The following AOPEP variants were observed in gnomAD, a reference collection of about 807,000 sequenced individuals.
AOPEP encodes the protein aminopeptidase O (putative), also known as aminopeptidase O.
A neutral mutation model predicts 98.1 loss-of-function variants in AOPEP; 77 were observed. The ratio of observed to expected loss-of-function variants is 0.78; its 90% CI spans 0.65 to 0.95. The LOEUF (loss-of-function observed/expected upper bound fraction) is 0.95. Among genes scored for constraint, AOPEP ranks in the 40% least tolerant of loss-of-function variants. The probability of loss-of-function intolerance (pLI) is 0.00; values close to 1 mark genes in which losing one functional copy is unlikely to be tolerated. For synonymous variants in AOPEP, 346 were observed against 365.3 expected (o/e 0.95, Z 0.60); for missense variants, 1,024 against 1,024.7 (o/e 1.00, Z 0.01).
chr9:95,069,637 G>C (rs1010903690), intron 14 of AOPEP, among the ~76,000 whole-genome samples: 1 of 152,224 alleles, frequency 6.6e-6, no homozygotes, highest in African/African-American at 2.4e-5. Context: ...AAGTAGTTAA[G>C]ATTTGTCTAA....
At chr9:94,893,728 C>G (rs1312891626) in intron 5 of AOPEP, among the ~76,000 whole-genome samples, 1 of 152,078 alleles carries the variant, frequency 6.6e-6, no homozygotes, top group Non-Finnish European at 1.5e-5. Flanking sequence ...AAATACAATA[C>G]CAGGTGTTAG....
At chr9:95,117,475 C>A in the AOPEP span, 1 of 1,039,764 alleles carries the variant, frequency 9.6e-7, no homozygotes. Context: ...GTCCTCTGCC[C>A]AAAAAAGACC....
Position 95,003,172 on chromosome 9 carries a change from G to A in AOPEP, c.1978-1986G>A, listed in dbSNP as rs771666726. 3.3e-5 allele frequency among the ~76,000 whole-genome samples: 5 copies of A among 152,160 alleles called. No individual in the cohort carries two copies. In the South Asian group the frequency reaches 1.0e-3, roughly 32 times the overall value. ...TGTGTGTGTGTGTGTGTGTGCGCGC[G>A]CGCGCGCGTGTGTGACTGCAACCAG... On this transcript the variant is annotated intron_variant, in intron 11 of 16. Transcript: ENST00000375315.
the AOPEP span, among the ~76,000 whole-genome samples, chr9:95,121,774 C>T: frequency 6.6e-6 from 1 of 152,016 alleles, no homozygotes; most frequent in African/African-American, 2.4e-5. Context: ...ACAACCAAAA[C>T]TAAACAAAAC....
chr9:95,033,580 C>T (rs1376473466), intron 13 of AOPEP, among the ~76,000 whole-genome samples: 1 of 152,166 alleles, frequency 6.6e-6, no homozygotes, highest in Non-Finnish European at 1.5e-5. Context: ...AGTTCCCTAA[C>T]TGAAGTTTCC....
the AOPEP span, among the ~76,000 whole-genome samples, chr9:95,115,058 A>G: frequency 8.5e-5 from 13 of 152,238 alleles, no homozygotes; most frequent in East Asian, 2.5e-3. Flanking sequence ...TTCCTACCTC[A>G]GCCTCCCCAG....
chr9:94,971,982 T>TGCCGAGGGCAGTGTG (rs146831861), intron 10 of AOPEP, among the ~76,000 whole-genome samples: 6 of 151,942 alleles, frequency 3.9e-5, no homozygotes, highest in Non-Finnish European at 8.8e-5. Context: ...GAAAGACACC[T>TGCCGAGGGCAGTGTG]GCCGAGGGCA....
At chr9:94,937,141 C>G (rs919567753) in intron 7 of AOPEP, among the ~76,000 whole-genome samples, 2 of 152,366 alleles carry the variant, frequency 1.3e-5, no homozygotes, top group African/African-American at 4.8e-5. Flanking sequence ...AGTCCCAACC[C>G]TCTAATGCTG....
intron 14 of AOPEP, among the ~76,000 whole-genome samples, chr9:95,073,219 G>A (rs1329241073): frequency 1.3e-5 from 2 of 152,136 alleles, no homozygotes; most frequent in Admixed American, 1.3e-4. Flanking sequence ...CCTACCTCAT[G>A]CCAGCCCAGC....
intron 7 of AOPEP, among the ~76,000 whole-genome samples, chr9:94,929,672 A>G (rs766654035): frequency 3.3e-5 from 5 of 152,184 alleles, no homozygotes; most frequent in Non-Finnish European, 7.3e-5. Flanking sequence ...ATGCTGATTG[A>G]TCCAGGCAGG....
chr9:94,774,944 C>T (rs1841749145), intron 3 of AOPEP, among the ~76,000 whole-genome samples: 1 of 152,222 alleles, frequency 6.6e-6, no homozygotes, highest in African/African-American at 2.4e-5. Flanking sequence ...TAACCATTTT[C>T]ATTTTCTGTT....
the AOPEP span, among the ~76,000 whole-genome samples, chr9:95,103,143 A>C: frequency 6.6e-6 from 1 of 151,824 alleles, no homozygotes; most frequent in African/African-American, 2.4e-5. Context: ...GAGCGGGAGG[A>C]CTGTCCCCCG....
intron 5 of AOPEP, among the ~76,000 whole-genome samples, chr9:94,818,333 C>T (rs995956518): frequency 7.9e-5 from 12 of 152,196 alleles, no homozygotes; most frequent in African/African-American, 2.9e-4. Context: ...GTGTGAATCA[C>T]AGATTCTACA....
intron 5 of AOPEP, among the ~76,000 whole-genome samples, chr9:94,918,117 A>G (rs1180180788): frequency 2.0e-5 from 3 of 152,146 alleles, no homozygotes; most frequent in Non-Finnish European, 4.4e-5. Context: ...GAGATCAGGG[A>G]GAGGTAGACT....
At chr9:95,063,994 T>C (rs1445615743) in intron 14 of AOPEP, among the ~76,000 whole-genome samples, 1 of 152,058 alleles carries the variant, frequency 6.6e-6, no homozygotes, top group Non-Finnish European at 1.5e-5. Flanking sequence ...TAACAACATT[T>C]AGAGGCCACC....
In AOPEP at chr9:94,748,575, G is replaced by A. The variant is rs535418226; in HGVS notation, c.-135-11074G>A. Among the ~76,000 whole-genome samples the A allele has an allele frequency of 6.6e-5, 10 of 152,214 alleles. No homozygotes were observed. The South Asian group carries it at 2.1e-3, about 32-fold the overall frequency. On this transcript the variant is annotated intron_variant, in intron 1 of 16. Transcript: ENST00000375315. ...ACTAAAAATGTAGCCCTGGCATAAT[G>A]CTTTTATCTACAGTTTTTCCACTAA... is the stretch of plus-strand genomic sequence containing the variant.
At chr9:95,021,084 T>C (rs531531484) in intron 13 of AOPEP, among the ~76,000 whole-genome samples, 1 of 152,264 alleles carries the variant, frequency 6.6e-6, no homozygotes, top group African/African-American at 2.4e-5. Context: ...TTTTCATGTT[T>C]ATATATATTC....
At chr9:95,005,360 G>A in intron 12 of AOPEP, 140 bp downstream of exon 12, 1 of 749,524 alleles carries the variant, frequency 1.3e-6, no homozygotes, top group Non-Finnish European at 1.9e-6. Context: ...GGGAGCGGCC[G>A]TGACGAAGGT....
At chr9:94,960,182 C>T (rs1056728532) in intron 9 of AOPEP, among the ~76,000 whole-genome samples, 46 of 151,720 alleles carry the variant, frequency 3.0e-4, no homozygotes, top group African/African-American at 9.4e-4. Context: ...GAGGCTGAGG[C>T]GGGTGGATCA....
Sources: gnomAD v4.1 joint callset for allele counts (sites outside exome capture counted in the v4.1 genomes callset) on GRCh38, gnomAD v4.1.1 for gene constraint, MANE v1.5 for transcripts, NCBI Gene and HGNC (gene_info 2026-07-23, HGNC 2026-07-21) for gene names.